COBLL1: variants seen among roughly 807,000 people sequenced by gnomAD.
COBLL1 encodes cordon-bleu protein-like 1.
In COBLL1, 50 loss-of-function variants were observed where a neutral mutation model predicts 94.8. That is an observed-to-expected ratio of 0.53 (90% CI 0.42 to 0.67). COBLL1 has a LOEUF of 0.67. Ranked by LOEUF, COBLL1 falls within the 30% of genes least tolerant of loss-of-function variation. The probability of loss-of-function intolerance (pLI) is 0.00; values close to 1 mark genes in which losing one functional copy is unlikely to be tolerated. For missense variants in COBLL1, 1,362 were observed against 1,348.7 expected (o/e 1.01, Z -0.15); for synonymous variants, 448 against 473.8 (o/e 0.95, Z 0.71).
In COBLL1 at chr2:164,841,061, C is replaced by T; in HGVS notation, c.41+95G>A. The T allele has an allele frequency of 8.4e-7, 1 of 1,185,092 alleles. No homozygotes were observed. The highest frequency in any genetic ancestry group is 1.1e-6 in the Non-Finnish European group (1 of 946,638). 73.4% of individuals were successfully genotyped at this position (1,185,092 alleles called of 1,614,324 possible). A position where few individuals can be genotyped will look rare whatever the true frequency, so the allele number is the denominator to read the frequency against. ...TCAGTGAGTCAGGCCGCCGGCAGGG[C>T]AGCGAGTTGCCAGCCAGGTGAAACG... is the stretch of plus-strand genomic sequence containing the variant. On this transcript the variant is annotated intron_variant, in intron 2 of 13. Transcript: ENST00000652658. This position sits in a 1 kb window ranked among gnomAD's most constrained non-coding sequence, Gnocchi z 5.5.
rs1317189585 is a variant in COBLL1, at chr2:164,685,705, C to T, written c.*241G>A. On this transcript the variant is annotated 3_prime_UTR_variant, in exon 14 of 14. Coordinates refer to ENST00000652658, the MANE Select transcript of COBLL1 (RefSeq NM_001365672.2). ...TTGTAAAAAATGAAAATCATTTACA[C>T]CTTGTTTTAAAGTTCTAAAGCAGCA... is the stretch of plus-strand genomic sequence containing the variant. 3.0e-6 allele frequency: 1 copy of T among 334,574 alleles called. No individual in the cohort carries two copies. Among genetic ancestry groups the T allele is most frequent in the Non-Finnish European group, 5.3e-6 (1 of 188,756 alleles). The allele number at this position is 334,574 out of a possible 1,614,324, so 20.7% of individuals were successfully genotyped here.
chr2:164,658,968 T>A, intron 2 of COBLL1, among the ~76,000 whole-genome samples: 1 of 152,116 alleles, frequency 6.6e-6, no homozygotes, highest in Non-Finnish European at 1.5e-5. Context: ...TCCTTTCTGA[T>A]GACCCCAGCA....
chr2:164,758,666 A>T (rs1687531187), intron 2 of COBLL1, among the ~76,000 whole-genome samples: 1 of 152,076 alleles, frequency 6.6e-6, no homozygotes, highest in South Asian at 2.1e-4. Flanking sequence ...CTACAATTAA[A>T]TTTTTTTTAA....
intron 13 of COBLL1, 36 bp from the exon 14 acceptor site, chr2:164,686,068 TA>T: frequency 8.7e-7 from 1 of 1,152,296 alleles, no homozygotes; most frequent in Non-Finnish European, 1.3e-6. Context: ...CCCATCAATT[TA>T]AAATGGGATA....
chr2:164,765,392 G>A (rs930254224), intron 2 of COBLL1, among the ~76,000 whole-genome samples: 26 of 152,124 alleles, frequency 1.7e-4, no homozygotes, highest in African/African-American at 6.3e-4. Context: ...TCAAAATGTA[G>A]GAACAAAGAG....
chr2:164,730,166 A>G (rs1335919702), intron 3 of COBLL1, 51 bp from the exon 4 acceptor site: 2 of 1,468,010 alleles, frequency 1.4e-6, no homozygotes, highest in East Asian at 4.6e-5. Flanking sequence ...GGATTTTCTT[A>G]GAATGCTTGT....
chr2:164,711,279 T>G (rs17185379), intron 7 of COBLL1, among the ~76,000 whole-genome samples: 24,502 of 152,258 alleles, frequency 0.16, 2,103 homozygotes, highest in East Asian at 0.3. Context: ...ACATGCAATT[T>G]GTCTGTTTTA....
rs1683090265 is a variant in COBLL1, at chr2:164,682,651, G to T, written c.*3295C>A. ...GGAGTATATTAGGCAAATAATACCT[G>T]TTCACTTATAGTATTGACATCAGGT... On this transcript the variant is annotated 3_prime_UTR_variant, in exon 14 of 14. Coordinates refer to ENST00000652658, the MANE Select transcript of COBLL1 (RefSeq NM_001365672.2). The T allele has an allele frequency of 6.6e-6, 1 of 152,134 alleles. No homozygotes were observed. Among genetic ancestry groups the T allele is most frequent in the East Asian group, 1.9e-4 (1 of 5,190 alleles). 9.4% of individuals were successfully genotyped at this position (152,134 alleles called of 1,614,324 possible).
chr2:164,758,503 G>A (rs1687521583), intron 2 of COBLL1, among the ~76,000 whole-genome samples: 2 of 152,054 alleles, frequency 1.3e-5, no homozygotes, highest in African/African-American at 4.8e-5. Context: ...ACAACTTTCT[G>A]CCCATACAAG....
intron 2 of COBLL1, among the ~76,000 whole-genome samples, chr2:164,794,244 C>G (rs1683327898): frequency 6.6e-6 from 1 of 152,156 alleles, no homozygotes; most frequent in Admixed American, 6.5e-5. Flanking sequence ...ATAGCAGTAC[C>G]TATTCTTACA....
chr2:164,770,292 C>T (rs546039641), intron 2 of COBLL1, among the ~76,000 whole-genome samples: 61 of 151,724 alleles, frequency 4.0e-4, no homozygotes, highest in African/African-American at 1.4e-3. Flanking sequence ...ATTTAGAGTG[C>T]CAGATGGAAA....
chr2:164,698,701 C>G (rs1434226540), intron 11 of COBLL1, among the ~76,000 whole-genome samples: 1 of 151,726 alleles, frequency 6.6e-6, no homozygotes, highest in Admixed American at 6.6e-5. Flanking sequence ...TTATCTGATC[C>G]AAGACTGCCT....
At chr2:164,658,747 C>A (rs1043597351) in intron 2 of COBLL1, among the ~76,000 whole-genome samples, 1 of 152,172 alleles carries the variant, frequency 6.6e-6, no homozygotes, top group African/African-American at 2.4e-5. Context: ...ACTTTTCCTT[C>A]TTTGGTGGCT....
chr2:164,776,385 A>G (rs1007314559), intron 2 of COBLL1, among the ~76,000 whole-genome samples: 15 of 151,958 alleles, frequency 9.9e-5, no homozygotes, highest in African/African-American at 3.6e-4. Flanking sequence ...GGTCTGGTAT[A>G]TACAAGCACC....
intron 4 of COBLL1, among the ~76,000 whole-genome samples, chr2:164,729,203 A>G (rs955048988): frequency 6.6e-6 from 1 of 151,752 alleles, no homozygotes; most frequent in African/African-American, 2.4e-5. Flanking sequence ...CTTCATAACA[A>G]TATGAAGAAA....
chr2:164,704,446 G>A lies in COBLL1; in HGVS notation c.1223C>T (p.Pro408Leu), dbSNP rs1684477181. 14 of 1,603,830 alleles carry A rather than the reference G, an allele frequency of 8.7e-6. No individual in the cohort carries two copies. The highest frequency in any genetic ancestry group is 1.0e-5 in the Non-Finnish European group (12 of 1,170,830). Residue 408 changes from proline (P) to leucine (L), a missense_variant and splice_region_variant, in exon 9 of 14, where the codon CCA (proline) becomes CTA (leucine). Pro to Leu is a moderately conservative substitution (Grantham distance 98, BLOSUM62 -3). Coordinates refer to ENST00000652658, the MANE Select transcript of COBLL1 (RefSeq NM_001365672.2). ...EANSPEELSSPAGISSDYSLE... is the reference protein window; with the variant it reads ...EANSPEELSSLAGISSDYSLE... Reference sequence around the variant, plus strand: ...CATGTAGAATAAGGGTGTCATACCTGGGCTGGATAGCTCCTCAGGAGAGTT... The same window carrying A: ...CATGTAGAATAAGGGTGTCATACCTAGGCTGGATAGCTCCTCAGGAGAGTT...
At chr2:164,812,188 A>G (rs1001333720) in intron 2 of COBLL1, among the ~76,000 whole-genome samples, 5 of 152,068 alleles carry the variant, frequency 3.3e-5, no homozygotes, top group Non-Finnish European at 7.4e-5. Context: ...CTGACACTGT[A>G]TTATGTACGA....
chr2:164,793,983 T>G (rs3769907), intron 2 of COBLL1, among the ~76,000 whole-genome samples: 2,348 of 152,308 alleles, frequency 0.015, 28 homozygotes, highest in South Asian at 0.028. Flanking sequence ...TTAAAATGGC[T>G]TTTTACATAA....
At chr2:164,819,616 G>A (rs1685057688) in intron 2 of COBLL1, among the ~76,000 whole-genome samples, 1 of 152,090 alleles carries the variant, frequency 6.6e-6, no homozygotes, top group Admixed American at 6.6e-5. Context: ...AACATAAAGT[G>A]AATTTCAGGT....
Sources: gnomAD v4.1 joint callset for allele counts (sites outside exome capture counted in the v4.1 genomes callset) on GRCh38, gnomAD v4.1.1 for gene constraint, Gnocchi (gnomAD v3.1) non-coding constraint, MANE v1.5 for transcripts, NCBI Gene and HGNC (gene_info 2026-07-23, HGNC 2026-07-21) for gene names.